Variants in TMEM47 observed in about 807,000 individuals in gnomAD.
TMEM47 encodes brain cell membrane protein 1.
TMEM47 carries 3 observed loss-of-function variants against 12.4 expected under a neutral mutation model. The observed-to-expected ratio is 0.24, with a 90% CI of 0.11 to 0.63. The LOEUF (loss-of-function observed/expected upper bound fraction) is 0.63. Ranked by LOEUF, TMEM47 falls within the 20% of genes least tolerant of loss-of-function variation. The pLI is 0.86. For synonymous variants in TMEM47, 62 were observed against 63.3 expected (o/e 0.98, Z 0.10); for missense variants, 89 against 143.8 (o/e 0.62, Z 1.95).
At position 34,657,146 on chromosome X, in the gene TMEM47, G is replaced by T; in HGVS notation, c.-117C>A. ...GCCGAGCTGCCACGCGCGGGGACTC[G>T]CTCCCTCGGGGCTCTGCGCGCCCCC... On this transcript the variant is annotated 5_prime_UTR_variant, in exon 1 of 3. Coordinates refer to ENST00000275954, the MANE Select transcript of TMEM47 (RefSeq NM_031442.4). 1 of 1,019,345 alleles carries T rather than the reference G, an allele frequency of 9.8e-7. No homozygotes were observed. 84.0% of individuals were successfully genotyped at this position (1,019,345 alleles called of 1,213,427 possible).
chrX:34,631,930 C>T (rs1921632852), intron 2 of TMEM47, among the ~76,000 whole-genome samples: 1 of 111,695 alleles, frequency 9.0e-6, no homozygotes, highest in Admixed American at 9.6e-5. Context: ...AAGAAATAGA[C>T]AATCTTTTTC....
rs1245364954 is a variant in TMEM47 at position 34,628,692 on chromosome X, G to T, written c.*1621C>A. ...AGATTTTGCAATACAGTAACATATA[G>T]CTACTTTTAAAGTAATTTTTCTAAT... On this transcript the variant is annotated 3_prime_UTR_variant, in exon 3 of 3. Transcript: ENST00000275954. 2 of 111,006 alleles carry T rather than the reference G, an allele frequency of 1.8e-5. No homozygotes were observed. The highest frequency in any genetic ancestry group is 2.8e-4 in the East Asian group (1 of 3,528). The allele number at this position is 111,006 out of a possible 1,213,427, so 9.1% of individuals were successfully genotyped here.
At chrX:34,654,508 G>T (rs757566160) in intron 1 of TMEM47, among the ~76,000 whole-genome samples, 1 of 112,148 alleles carries the variant, frequency 8.9e-6, no homozygotes, top group African/African-American at 3.2e-5. Flanking sequence ...GACAAGAAAA[G>T]CACTGCTGGT....
At position 34,629,273 on chromosome X, in the gene TMEM47, T is replaced by C. The variant is rs991354665; in HGVS notation, c.*1040A>G. 3 of 111,631 alleles carry C rather than the reference T, an allele frequency of 2.7e-5. No homozygotes were observed. Among genetic ancestry groups the C allele is most frequent in the Non-Finnish European group, 5.6e-5 (3 of 53,131 alleles). The allele number at this position is 111,631 out of a possible 1,213,427, so 9.2% of individuals were successfully genotyped here. A position where few individuals can be genotyped will look rare whatever the true frequency, so the allele number is the denominator to read the frequency against. ...AATTTTTATTCTTAGGCAACTCTAT[T>C]GACACTTTCCAGTGAAACAGTAAAG... On this transcript the variant is annotated 3_prime_UTR_variant, in exon 3 of 3. Coordinates refer to ENST00000275954, the MANE Select transcript of TMEM47 (RefSeq NM_031442.4).
chrX:34,655,058 A>C (rs1045260870), intron 1 of TMEM47, among the ~76,000 whole-genome samples: 2 of 112,037 alleles, frequency 1.8e-5, no homozygotes, highest in Non-Finnish European at 3.8e-5. Context: ...AAAGGTTAGC[A>C]AACACTGTAT....
chrX:34,639,500 C>T (rs1282250431), intron 1 of TMEM47, 113 bp from the exon 2 acceptor site: 12 of 741,931 alleles, frequency 1.6e-5, no homozygotes, highest in South Asian at 2.9e-5. Flanking sequence ...TTACTGCATG[C>T]TAAGCATCCT....
chrX:34,630,588 C>A, intron 2 of TMEM47, 97 bp from the exon 3 acceptor site: 1 of 853,873 alleles, frequency 1.2e-6, no homozygotes, highest in Non-Finnish European at 1.6e-6. Context: ...ACTTTGTAAT[C>A]AAATATACAT....
chrX:34,643,200 TA>T (rs1422944382), intron 1 of TMEM47, among the ~76,000 whole-genome samples: 1 of 109,242 alleles, frequency 9.2e-6, no homozygotes, highest in African/African-American at 3.3e-5. Flanking sequence ...ATATGGGGAG[TA>T]AAAAAAAGTG....
rs1432605387 is a variant in TMEM47 at position 34,627,335 on chromosome X, A to T, written c.*2978T>A. On this transcript the variant is annotated 3_prime_UTR_variant, in exon 3 of 3. Coordinates refer to ENST00000275954, the MANE Select transcript of TMEM47 (RefSeq NM_031442.4). Reference sequence around the variant, plus strand: ...TAATAGCATAAACAGCATGAAGTATATTTTACTTTTAAGACAGATGAAATT... The same window carrying T: ...TAATAGCATAAACAGCATGAAGTATTTTTTACTTTTAAGACAGATGAAATT... The T allele has an allele frequency of 8.9e-6, 1 of 112,253 alleles. No individual in the cohort carries two copies. The highest frequency in any genetic ancestry group is 1.9e-5 in the Non-Finnish European group (1 of 53,183). The allele number at this position is 112,253 out of a possible 1,213,427, so 9.3% of individuals were successfully genotyped here.
chrX:34,633,229 G>C lies in TMEM47; in HGVS notation c.368-2738C>G, dbSNP rs556316978. 3.2e-4 allele frequency among the ~76,000 whole-genome samples: 36 copies of C among 112,273 alleles called. No homozygotes were observed. The South Asian group carries it at 0.013, about 40-fold the overall frequency. On this transcript the variant is annotated intron_variant, in intron 2 of 2. Transcript: ENST00000275954. ...AGAATATAATGTCACATATTGCTAA[G>C]AGACAAGAAATGCAAGAAAGCAGAC...
intron 1 of TMEM47, among the ~76,000 whole-genome samples, chrX:34,645,284 C>G (rs1353125397): frequency 8.9e-6 from 1 of 112,047 alleles, no homozygotes; most frequent in Non-Finnish European, 1.9e-5. Context: ...CATCTATTCA[C>G]CAAAGACTAT....
chrX:34,657,160 C>T lies in TMEM47; in HGVS notation c.-131G>A. 1 of 973,390 alleles carries T rather than the reference C, an allele frequency of 1.0e-6. No homozygotes were observed. The highest frequency in any genetic ancestry group is 1.3e-6 in the Non-Finnish European group (1 of 772,465). 80.2% of individuals were successfully genotyped at this position (973,390 alleles called of 1,213,427 possible). ...CGCGGGGACTCGCTCCCTCGGGGCT[C>T]TGCGCGCCCCCTGCCGCGCGGCCAA... On this transcript the variant is annotated 5_prime_UTR_variant, in exon 1 of 3. Transcript: ENST00000275954.
In TMEM47 at chrX:34,639,141, T is replaced by G. The variant is rs1601965813; in HGVS notation, c.367+106A>C. ...TAAAAATATAGTAAATGCCTCTCAATTTTTACGTAATGCAGCAAACACATA... is the reference window on the plus strand; with the variant it reads ...TAAAAATATAGTAAATGCCTCTCAAGTTTTACGTAATGCAGCAAACACATA... On this transcript the variant is annotated intron_variant, in intron 2 of 2. Transcript: ENST00000275954. 7.3e-6 allele frequency: 7 copies of G among 963,946 alleles called. No individual in the cohort carries two copies. The East Asian group carries it at 2.1e-4, about 28-fold the overall frequency. The allele number at this position is 963,946 out of a possible 1,213,427, so 79.4% of individuals were successfully genotyped here. A position where few individuals can be genotyped will look rare whatever the true frequency, so the allele number is the denominator to read the frequency against.
intron 1 of TMEM47, among the ~76,000 whole-genome samples, chrX:34,646,899 T>G (rs1035318972): frequency 1.7e-3 from 194 of 111,791 alleles, no homozygotes; most frequent in African/African-American, 5.9e-3. Context: ...TGTTTTCTCC[T>G]TCACAGCACT....
intron 2 of TMEM47, among the ~76,000 whole-genome samples, chrX:34,637,655 C>A (rs939621788): frequency 9.1e-6 from 1 of 110,351 alleles, no homozygotes; most frequent in African/African-American, 3.3e-5. Context: ...CCTGTTTTAC[C>A]CCACCAGATT....
intron 2 of TMEM47, among the ~76,000 whole-genome samples, chrX:34,634,336 A>G (rs903675338): frequency 8.9e-6 from 1 of 112,231 alleles, no homozygotes; most frequent in Non-Finnish European, 1.9e-5. Flanking sequence ...ATGTAGACCT[A>G]CTAATTCTTG....
At chrX:34,644,581 A>G (rs1161021604) in intron 1 of TMEM47, among the ~76,000 whole-genome samples, 1 of 112,262 alleles carries the variant, frequency 8.9e-6, no homozygotes, top group African/African-American at 3.2e-5. Context: ...CTTGTCAAAC[A>G]CTGGCTAATT....
chrX:34,636,326 A>C (rs2147138024), intron 2 of TMEM47, among the ~76,000 whole-genome samples: 1 of 111,854 alleles, frequency 8.9e-6, no homozygotes, highest in South Asian at 3.7e-4. Flanking sequence ...ACCTTTCTAT[A>C]AAAACAATCC....
At chrX:34,633,438 TG>T (rs1180476345) in intron 2 of TMEM47, among the ~76,000 whole-genome samples, 30 of 110,918 alleles carry the variant, frequency 2.7e-4, no homozygotes, top group Non-Finnish European at 1.9e-5. Flanking sequence ...TCTGGTGCAC[TG>T]GAACAGAAGT....
Sources: allele counts gnomAD v4.1 joint callset (sites outside exome capture counted in the v4.1 genomes callset), GRCh38; gene constraint gnomAD v4.1.1; transcripts MANE v1.5; gene names NCBI Gene and HGNC (gene_info 2026-07-23, HGNC 2026-07-21).